The following GRAMD2A variants were observed in gnomAD, a reference collection of about 807,000 sequenced individuals.
GRAMD2A encodes the protein GRAM domain containing 2A, also known as GRAM domain-containing protein 2A.
GRAMD2A carries 37 observed loss-of-function variants against 51.1 expected under a neutral mutation model. The observed-to-expected ratio is 0.72, with a 90% CI of 0.56 to 0.95. GRAMD2A has a LOEUF of 0.95. Among genes scored for constraint, GRAMD2A ranks in the 40% least tolerant of loss-of-function variants. The probability of loss-of-function intolerance (pLI) is 0.00; values close to 1 mark genes in which losing one functional copy is unlikely to be tolerated. For missense variants in GRAMD2A, 414 were observed against 426.9 expected, an observed-to-expected ratio of 0.97 and a Z score of 0.27; for synonymous variants, 136 against 157.1, an observed-to-expected ratio of 0.87 and a Z score of 1.01.
rs2081822363 is a variant in GRAMD2A, at chr15:72,197,729, A to C, written c.41+2T>G. On this transcript the variant is annotated splice_donor_variant, in intron 1 of 11. Transcript: ENST00000309731. LOFTEE classifies it high-confidence loss of function. ...ACCGGCCCCCGGGCCGCAACCCCTT[A>C]CCCGCCCTCCTCGGTGGCCTCGCTC... 7.5e-7 allele frequency: 1 copy of C among 1,329,208 alleles called. No individual in the cohort carries two copies. 82.3% of individuals were successfully genotyped at this position (1,329,208 alleles called of 1,614,324 possible).
At chr15:72,195,436 C>CG (rs1000512320) in intron 1 of GRAMD2A, among the ~76,000 whole-genome samples, 27 of 152,136 alleles carry the variant, frequency 1.8e-4, no homozygotes, top group Admixed American at 1.4e-3. Flanking sequence ...AGGTTAGGGG[C>CG]GGGGTGGAGC....
intron 1 of GRAMD2A, chr15:72,176,008 C>T (rs546388179): frequency 1.3e-5 from 2 of 152,486 alleles, no homozygotes; most frequent in East Asian, 3.9e-4. Flanking sequence ...CCTCCAGGAG[C>T]TCTGGTTCGG....
rs1225994720 is a variant in GRAMD2A at position 72,161,609 on chromosome 15, C to CT, written c.*399_*400insA. 12 of 262,864 alleles carry CT rather than the reference C, an allele frequency of 4.6e-5. No homozygotes were observed. In the East Asian group the frequency reaches 1.2e-3, roughly 26 times the overall value. 16.3% of individuals were successfully genotyped at this position (262,864 alleles called of 1,614,324 possible). On this transcript the variant is annotated 3_prime_UTR_variant, in exon 12 of 12. Coordinates refer to ENST00000309731, the MANE Select transcript of GRAMD2A (RefSeq NM_001012642.3). Reference sequence around the variant, plus strand: ...CATAGGAGTGAGCTGTGTGGCAGAGCCACATTCCAAATGCGAAAGCATGGC... The same window carrying CT: ...CATAGGAGTGAGCTGTGTGGCAGAGCTCACATTCCAAATGCGAAAGCATGGC...
chr15:72,192,224 A>G (rs182931826), intron 1 of GRAMD2A, among the ~76,000 whole-genome samples: 23 of 152,320 alleles, frequency 1.5e-4, no homozygotes, highest in Non-Finnish European at 3.1e-4. Context: ...GGTACATGCC[A>G]CTTATTATAC....
intron 1 of GRAMD2A, 47 bp downstream of exon 1, chr15:72,197,684 C>T (rs1164337623): frequency 7.9e-7 from 1 of 1,265,330 alleles, no homozygotes; most frequent in Non-Finnish European, 1.0e-6. Context: ...CCCCTCGCGG[C>T]GGCCTCCGGA....
intron 1 of GRAMD2A, among the ~76,000 whole-genome samples, chr15:72,191,554 G>A (rs1315632602): frequency 1.3e-5 from 2 of 152,122 alleles, no homozygotes; most frequent in African/African-American, 2.4e-5. Flanking sequence ...TGAAAAACTG[G>A]TAGGATTAGA....
In GRAMD2A at chr15:72,170,009, G is replaced by T. The variant is rs34487006; in HGVS notation, c.42-70C>A. ...CACCTTTCCCTAACAGCCCCACCAT[G>T]CCCATGGCCGCTGCCTCTGGCCCCC... On this transcript the variant is annotated intron_variant, in intron 1 of 11. Coordinates refer to ENST00000309731, the MANE Select transcript of GRAMD2A (RefSeq NM_001012642.3). This position sits in a 1 kb window ranked among gnomAD's most constrained non-coding sequence, Gnocchi z 4.5. The T allele has an allele frequency of 0.22, 238,976 of 1,097,958 alleles. 27,196 individuals carry two copies. Among genetic ancestry groups the T allele is most frequent in the East Asian group, 0.38 (16,094 of 42,494 alleles). The allele number at this position is 1,097,958 out of a possible 1,614,324, so 68.0% of individuals were successfully genotyped here.
intron 1 of GRAMD2A, among the ~76,000 whole-genome samples, chr15:72,188,278 A>T (rs1596698602): frequency 6.6e-6 from 1 of 151,930 alleles, no homozygotes; most frequent in East Asian, 1.9e-4. Flanking sequence ...CGGAAATTAC[A>T]GTGAGCTGAG....
chr15:72,163,890 G>A, intron 8 of GRAMD2A, 133 bp from the exon 9 acceptor site: 3 of 936,278 alleles, frequency 3.2e-6, no homozygotes, highest in South Asian at 3.3e-5. Flanking sequence ...GATGGAAGCA[G>A]GTACAAGCGA....
intron 1 of GRAMD2A, 62 bp downstream of exon 1, chr15:72,197,669 A>T: frequency 1.6e-6 from 2 of 1,233,430 alleles, no homozygotes; most frequent in South Asian, 5.0e-5. Context: ...CCCGCGCGGC[A>T]GCAGCCCCTC....
chr15:72,180,797 C>G (rs1387062810), intron 1 of GRAMD2A, among the ~76,000 whole-genome samples: 1 of 152,182 alleles, frequency 6.6e-6, no homozygotes, highest in East Asian at 1.9e-4. Context: ...GCCTCAGTGA[C>G]TCCTCTGCAA....
chr15:72,193,674 C>A (rs2081784945), intron 1 of GRAMD2A, among the ~76,000 whole-genome samples: 4 of 152,120 alleles, frequency 2.6e-5, no homozygotes. Flanking sequence ...AGGCGCCCAC[C>A]ACCATGCCTG....
chr15:72,183,083 G>A (rs1470072643), intron 1 of GRAMD2A, among the ~76,000 whole-genome samples: 1 of 152,044 alleles, frequency 6.6e-6, no homozygotes. Context: ...ATGTTATCCA[G>A]GCTGGTCTCA....
chr15:72,165,738 C>T (rs1045078314), intron 7 of GRAMD2A, among the ~76,000 whole-genome samples: 5 of 152,136 alleles, frequency 3.3e-5, no homozygotes, highest in Admixed American at 6.5e-5. Flanking sequence ...GACATAGAGA[C>T]GGTCCCTGAC....
chr15:72,195,813 G>A (rs573497558), intron 1 of GRAMD2A, among the ~76,000 whole-genome samples: 10 of 152,168 alleles, frequency 6.6e-5, no homozygotes, highest in East Asian at 1.9e-4. Context: ...CCACCTACTC[G>A]GGAGGCTGAG....
intron 1 of GRAMD2A, among the ~76,000 whole-genome samples, chr15:72,179,135 G>A (rs1034151417): frequency 2.0e-5 from 3 of 152,298 alleles, no homozygotes; most frequent in South Asian, 2.1e-4. Flanking sequence ...CACCCAGGCC[G>A]GGAACGGGCT....
Position 72,163,344 on chromosome 15 carries a change from T to C in GRAMD2A, c.878A>G (p.Asp293Gly), listed in dbSNP as rs914621429. Reference protein sequence around the residue: ...PTAKNAVYEEDELEEEPRSTG... With the variant: ...PTAKNAVYEEGELEEEPRSTG... ...GCTCCTGGGCTCCTCCTCCAGCTCA[T>C]CCTCCTCATAGACAGCATTCTTTGC... is the stretch of plus-strand genomic sequence containing the variant. The change falls in exon 10 of 12, where the codon GAT becomes GGT. Residue 293 changes from aspartate (D) to glycine (G), a missense_variant. Physicochemically the swap from Asp to Gly is moderately conservative, Grantham distance 94. Transcript: ENST00000309731. 1.9e-6 allele frequency: 3 copies of C among 1,614,126 alleles called. No individual in the cohort carries two copies. Among genetic ancestry groups the C allele is most frequent in the Non-Finnish European group, 2.5e-6 (3 of 1,179,958 alleles).
chr15:72,163,241 C>T, intron 10 of GRAMD2A, 25 bp downstream of exon 10: 1 of 1,559,880 alleles, frequency 6.4e-7, no homozygotes. Context: ...GTGGGTCTGT[C>T]CCCCTCCCCA....
intron 1 of GRAMD2A, among the ~76,000 whole-genome samples, chr15:72,177,097 A>G (rs1264029034): frequency 6.6e-6 from 1 of 151,744 alleles, no homozygotes; most frequent in African/African-American, 2.4e-5. Flanking sequence ...CCTGGCCTCA[A>G]GCAATTCTCC....
Sources: allele counts gnomAD v4.1 joint callset (sites outside exome capture counted in the v4.1 genomes callset), GRCh38; gene constraint gnomAD v4.1.1; non-coding constraint Gnocchi (gnomAD v3.1); transcripts MANE v1.5; gene names NCBI Gene and HGNC (gene_info 2026-07-23, HGNC 2026-07-21).